The following TUNAR variants were observed in gnomAD, a reference collection of about 807,000 sequenced individuals.
TUNAR encodes the protein protein TUNAR.
At chr14:95,900,107 T>C (rs1367968191) in intron 2 of TUNAR, among the ~76,000 whole-genome samples, 3 of 152,188 alleles carry the variant, frequency 2.0e-5, no homozygotes, top group Non-Finnish European at 4.4e-5. Flanking sequence ...TTCCTTTTTT[T>C]CCCCCATTTA....
chr14:95,902,096 G>A (rs1889363591), intron 2 of TUNAR, among the ~76,000 whole-genome samples: 1 of 152,170 alleles, frequency 6.6e-6, no homozygotes, highest in African/African-American at 2.4e-5. Context: ...TAGTTGTGAT[G>A]GGATTGACAG....
intron 2 of TUNAR, among the ~76,000 whole-genome samples, chr14:95,890,626 A>G (rs73338737): frequency 0.028 from 4,272 of 152,200 alleles, 212 homozygotes; most frequent in African/African-American, 0.096. Context: ...CCTCAAAACC[A>G]ATTCTGGTTT....
chr14:95,886,925 G>A (rs559729202), intron 2 of TUNAR, among the ~76,000 whole-genome samples: 4 of 152,296 alleles, frequency 2.6e-5, no homozygotes, highest in African/African-American at 9.6e-5. Context: ...AGAGCCAGGG[G>A]GCTGGGCATG....
chr14:95,891,100 A>G (rs1434039211), intron 2 of TUNAR, among the ~76,000 whole-genome samples: 3 of 152,254 alleles, frequency 2.0e-5, no homozygotes, highest in Admixed American at 2.0e-4. Context: ...TGGAGGTCGA[A>G]CTAACATTCG....
chr14:95,880,138 G>C (rs989769426), intron 2 of TUNAR, among the ~76,000 whole-genome samples: 1 of 152,136 alleles, frequency 6.6e-6, no homozygotes, highest in Non-Finnish European at 1.5e-5. Flanking sequence ...GGGTGTGTAC[G>C]TTTGCATGTA....
chr14:95,883,285 C>T (rs369557061), intron 2 of TUNAR, among the ~76,000 whole-genome samples: 11 of 152,294 alleles, frequency 7.2e-5, no homozygotes, highest in African/African-American at 2.4e-4. Context: ...CCAGTCTGCT[C>T]GAGGACATCC....
chr14:95,880,612 T>A (rs1052901530), intron 2 of TUNAR, among the ~76,000 whole-genome samples: 30 of 152,234 alleles, frequency 2.0e-4, no homozygotes, highest in Admixed American at 1.4e-3. Flanking sequence ...AATCTCAGGC[T>A]GTTCCTGGAA....
chr14:95,881,130 A>G (rs1345976457), intron 2 of TUNAR, among the ~76,000 whole-genome samples: 5 of 152,214 alleles, frequency 3.3e-5, no homozygotes, highest in African/African-American at 1.2e-4. Flanking sequence ...TGGCACTAAA[A>G]AAAGCATGCA....
chr14:95,901,720 T>A (rs1436205176), intron 2 of TUNAR, among the ~76,000 whole-genome samples: 2 of 152,234 alleles, frequency 1.3e-5, no homozygotes, highest in Admixed American at 6.5e-5. Context: ...ACGATTGCTG[T>A]CAAGTGGCTT....
chr14:95,910,135 A>C (rs1889490486), intron 2 of TUNAR, among the ~76,000 whole-genome samples: 2 of 152,232 alleles, frequency 1.3e-5, no homozygotes, highest in African/African-American at 4.8e-5. Context: ...GGAGTGTTGC[A>C]GAGCTTCACT....
chr14:95,920,885 G>C (rs1014558389), intron 2 of TUNAR, among the ~76,000 whole-genome samples: 2 of 152,170 alleles, frequency 1.3e-5, no homozygotes, highest in East Asian at 3.9e-4. Context: ...TTATTATACA[G>C]AGTTGACTCG....
Position 95,878,297 on chromosome 14 carries a change from G to A in TUNAR, c.12+1120G>A, listed in dbSNP as rs561018409. Among the ~76,000 whole-genome samples, 28 of 152,322 alleles carry A rather than the reference G, an allele frequency of 1.8e-4. 2 individuals carry two copies. The South Asian group carries it at 5.2e-3, about 28-fold the overall frequency. ...TTTGCTTAAGTGCATTTAGTTAACT[G>A]TTTGCTTAAGTGCATTTAGTTAACT... On this transcript the variant is annotated intron_variant, in intron 2 of 2. Transcript: ENST00000678517.
At chr14:95,879,246 G>A (rs1023483482) in intron 2 of TUNAR, among the ~76,000 whole-genome samples, 3 of 152,110 alleles carry the variant, frequency 2.0e-5, no homozygotes, top group Non-Finnish European at 4.4e-5. Context: ...CAAATGAAAC[G>A]GGCATGTCCC....
At chr14:95,921,636 TA>T (rs1273595412) in intron 2 of TUNAR, among the ~76,000 whole-genome samples, 1 of 152,220 alleles carries the variant, frequency 6.6e-6, no homozygotes, top group African/African-American at 2.4e-5. Context: ...AGATGACTAG[TA>T]TCTGAAGGCC....
At chr14:95,904,140 T>C (rs1211066104) in intron 2 of TUNAR, among the ~76,000 whole-genome samples, 1 of 152,196 alleles carries the variant, frequency 6.6e-6, no homozygotes, top group African/African-American at 2.4e-5. Context: ...ATGTAATAGT[T>C]CACTCCCCTG....
intron 2 of TUNAR, among the ~76,000 whole-genome samples, chr14:95,920,994 G>C (rs557838763): frequency 6.6e-6 from 1 of 152,266 alleles, no homozygotes; most frequent in East Asian, 1.9e-4. Context: ...AGCCCTGCAG[G>C]CTCAAGGCCC....
Position 95,919,118 on chromosome 14 carries a change from C to T in TUNAR, c.13-3663C>T, listed in dbSNP as rs186357936. ...AGGGAGTGGATTTCTAAGATTCTTA[C>T]AACAGACTTCTCATGACTTTGTGCA... On this transcript the variant is annotated intron_variant, in intron 2 of 2. Transcript: ENST00000678517. 3.1e-3 allele frequency among the ~76,000 whole-genome samples: 473 copies of T among 152,276 alleles called. 5 individuals carry two copies. The highest frequency in any genetic ancestry group is 0.011 in the African/African-American group (459 of 41,564).
At chr14:95,888,438 A>G (rs1055636073) in intron 2 of TUNAR, among the ~76,000 whole-genome samples, 6 of 152,196 alleles carry the variant, frequency 3.9e-5, no homozygotes, top group African/African-American at 1.4e-4. Flanking sequence ...TTGCTCAGCT[A>G]GGTGGCCTTG....
chr14:95,920,066 A>G (rs958699393), intron 2 of TUNAR, among the ~76,000 whole-genome samples: 3 of 152,252 alleles, frequency 2.0e-5, no homozygotes, highest in African/African-American at 7.2e-5. Context: ...ATCCAGTGGA[A>G]TACTGTTCAC....
Sources: allele counts gnomAD v4.1 joint callset (sites outside exome capture counted in the v4.1 genomes callset), GRCh38; gene constraint gnomAD v4.1.1; transcripts MANE v1.5; gene names NCBI Gene and HGNC (gene_info 2026-07-23, HGNC 2026-07-21).